TLK2: variants seen among roughly 807,000 people sequenced by gnomAD.
TLK2 encodes tousled like kinase 2.
TLK2 carries 6 observed loss-of-function variants against 117.3 expected under a neutral mutation model. That is an observed-to-expected ratio of 0.05 (90% CI 0.03 to 0.10). TLK2 has a LOEUF of 0.10. TLK2 is among the 10% of genes least tolerant of loss of function. TLK2 has a pLI of 1.00. For missense variants in TLK2, 299 were observed against 901.2 expected (o/e 0.33, Z 8.56); for synonymous variants, 257 against 316.7 (o/e 0.81, Z 2.00).
chr17:62,517,475 A>G (rs1290688082), intron 2 of TLK2, among the ~76,000 whole-genome samples: 2 of 151,920 alleles, frequency 1.3e-5, no homozygotes, highest in Non-Finnish European at 2.9e-5. Flanking sequence ...GCTCACTGCA[A>G]GCTCCACCTT....
chr17:62,494,050 A>G (rs2073393611), intron 2 of TLK2, among the ~76,000 whole-genome samples: 1 of 152,126 alleles, frequency 6.6e-6, no homozygotes, highest in South Asian at 2.1e-4. Flanking sequence ...CTAATTTGCT[A>G]TCCAGATTTG....
chr17:62,547,031 T>G (rs1438368166), intron 7 of TLK2, among the ~76,000 whole-genome samples: 1 of 152,198 alleles, frequency 6.6e-6, no homozygotes, highest in Non-Finnish European at 1.5e-5. Flanking sequence ...ACAGTATACT[T>G]TTGATCCTCT....
intron 11 of TLK2, among the ~76,000 whole-genome samples, chr17:62,567,515 C>G (rs2146495094): frequency 6.6e-6 from 1 of 152,292 alleles, no homozygotes; most frequent in South Asian, 2.1e-4. Context: ...GAAGATGTTT[C>G]TGGCTGATGT....
chr17:62,531,081 C>A (rs1471026915), intron 6 of TLK2, among the ~76,000 whole-genome samples: 1 of 152,084 alleles, frequency 6.6e-6, no homozygotes, highest in Non-Finnish European at 1.5e-5. Context: ...CATTTCATTT[C>A]TCTTGCTTGT....
chr17:62,544,507 CT>C (rs1172783701), intron 7 of TLK2, among the ~76,000 whole-genome samples: 2 of 152,152 alleles, frequency 1.3e-5, no homozygotes, highest in Non-Finnish European at 2.9e-5. Context: ...GACCCTTCCC[CT>C]GACATATGAG....
intron 12 of TLK2, chr17:62,574,257 C>T (rs749899479): frequency 6.6e-6 from 10 of 1,507,460 alleles, no homozygotes; most frequent in Non-Finnish European, 8.8e-6. Context: ...TAACACCAAT[C>T]CTCACCCCAT....
intron 2 of TLK2, among the ~76,000 whole-genome samples, chr17:62,499,808 G>A (rs1375312414): frequency 6.6e-6 from 1 of 151,296 alleles, no homozygotes; most frequent in Non-Finnish European, 1.5e-5. Flanking sequence ...CTGAGATCGT[G>A]CAATTGCACT....
intron 1 of TLK2, among the ~76,000 whole-genome samples, chr17:62,473,761 T>G (rs1234249248): frequency 1.3e-5 from 2 of 152,352 alleles, no homozygotes; most frequent in African/African-American, 2.4e-5. Flanking sequence ...AATCCATCAT[T>G]CAGACATTGT....
upstream of TLK2, among the ~76,000 whole-genome samples, chr17:62,476,755 C>G (rs969902394): frequency 6.6e-6 from 1 of 151,988 alleles, no homozygotes; most frequent in African/African-American, 2.4e-5. Flanking sequence ...CTCTTACTCT[C>G]CTTTCCCGAT....
rs1326249639 is a variant in TLK2 at position 62,578,485 on chromosome 17, A to G, written c.1197A>G (p.Ala399=). Residue 399 remains alanine (A), a synonymous_variant, in exon 14 of 22, where the codon GCA becomes GCG. Transcript: ENST00000346027. ...TTTCCTTTTCGCTTTAGGAGGAAGC[A>G]GAGATCCAGGCAGAGCTGGAGAGAC... ...LRLGHLKKEE[A]EIQAELERLE... is the part of the protein sequence containing the mutation. 3 of 1,613,784 alleles carry G rather than the reference A, an allele frequency of 1.9e-6. No homozygotes were observed. The South Asian group carries it at 3.3e-5, about 18-fold the overall frequency.
intron 2 of TLK2, among the ~76,000 whole-genome samples, chr17:62,502,043 T>C (rs1038122653): frequency 1.3e-5 from 2 of 150,120 alleles, no homozygotes; most frequent in African/African-American, 4.9e-5. Context: ...TTTTTTTTTT[T>C]TTTACAAATT....
intron 2 of TLK2, among the ~76,000 whole-genome samples, chr17:62,496,124 G>T (rs1214249650): frequency 6.6e-6 from 1 of 152,100 alleles, no homozygotes; most frequent in Non-Finnish European, 1.5e-5. Context: ...AGATATATCT[G>T]CAAATACTTA....
At chr17:62,599,663 C>G (rs532120886) in intron 17 of TLK2, among the ~76,000 whole-genome samples, 95 of 152,250 alleles carry the variant, frequency 6.2e-4, no homozygotes, top group African/African-American at 2.2e-3. Flanking sequence ...TAGATGATCT[C>G]TAGGGTGCCT....
Position 62,602,129 on chromosome 17 carries a change from A to G in TLK2, c.1808A>G (p.Tyr603Cys). The G allele has an allele frequency of 2.5e-6, 4 of 1,613,838 alleles. No individual in the cohort carries two copies. Among genetic ancestry groups the G allele is most frequent in the Non-Finnish European group, 3.4e-6 (4 of 1,179,804 alleles). The change falls in exon 19 of 22, where the codon TAC becomes TGC. Residue 603 changes from tyrosine (Y) to cysteine (C), a missense_variant. Tyr to Cys is a radical substitution (Grantham distance 194). Around this residue, in one of 4 missense-constraint regions of TLK2, gnomAD observed 81 missense variants for 370.9 expected, o/e 0.22. Transcript: ENST00000346027. ...GLSKIMDDDS[Y>C]NSVDGMELTS... ...TCGAAGATCATGGATGATGATAGCT[A>G]CAATTCAGTGGATGGCATGGAGCTA...
At chr17:62,578,380 C>T in intron 13 of TLK2, 97 bp from the exon 14 acceptor site, 6 of 920,062 alleles carry the variant, frequency 6.5e-6, no homozygotes, top group Non-Finnish European at 1.0e-5. Flanking sequence ...TTCCTTTAGC[C>T]TTTCATAAGA....
At chr17:62,518,256 T>C (rs1393840684) in intron 2 of TLK2, among the ~76,000 whole-genome samples, 1 of 152,182 alleles carries the variant, frequency 6.6e-6, no homozygotes, top group African/African-American at 2.4e-5. Context: ...ACCATGAAAA[T>C]GAAGAACGGA....
chr17:62,547,346 T>C (rs1172055839), intron 7 of TLK2, among the ~76,000 whole-genome samples: 5 of 152,032 alleles, frequency 3.3e-5, no homozygotes, highest in South Asian at 4.1e-4. Flanking sequence ...ATTTTTTTTT[T>C]TTTTCTTTTT....
In TLK2 at chr17:62,563,954, C is replaced by G. The variant is rs527572388; in HGVS notation, c.832-1047C>G. Among the ~76,000 whole-genome samples the G allele has an allele frequency of 1.3e-3, 198 of 152,210 alleles. 1 individual carries two copies. Among genetic ancestry groups the G allele is most frequent in the African/African-American group, 4.6e-3 (191 of 41,524 alleles). On this transcript the variant is annotated intron_variant, in intron 10 of 21. Transcript: ENST00000346027. ...GAGACCCATGGAAGATTTGGAACATCAAACTGGAAGTGTGCAAAGTGGTGT... is the reference window on the plus strand; with the variant it reads ...GAGACCCATGGAAGATTTGGAACATGAAACTGGAAGTGTGCAAAGTGGTGT...
chr17:62,502,361 T>C (rs1598249771), intron 2 of TLK2, among the ~76,000 whole-genome samples: 1 of 152,146 alleles, frequency 6.6e-6, no homozygotes, highest in African/African-American at 2.4e-5. Flanking sequence ...TGATAAAAGC[T>C]CTCAGCTCAC....
Sources: allele counts gnomAD v4.1 joint callset (sites outside exome capture counted in the v4.1 genomes callset), GRCh38; gene constraint gnomAD v4.1.1; regional missense constraint gnomAD v4.1.1; transcripts MANE v1.5; gene names NCBI Gene and HGNC (gene_info 2026-07-23, HGNC 2026-07-21).